Variants in CRY1 observed in about 807,000 individuals in gnomAD.
The protein encoded by CRY1 is cryptochrome circadian regulator 1, also known as cryptochrome-1.
A neutral mutation model predicts 76.0 loss-of-function variants in CRY1; 45 were observed. The ratio of observed to expected loss-of-function variants is 0.59; its 90% CI spans 0.47 to 0.76. The LOEUF (loss-of-function observed/expected upper bound fraction) is 0.76, where lower values mean the gene tolerates loss of function less well. Among genes scored for constraint, CRY1 ranks in the 30% least tolerant of loss-of-function variants. The pLI is 0.00. For synonymous variants in CRY1, 248 were observed against 244.0 expected, an observed-to-expected ratio of 1.02 and a Z score of -0.15; for missense variants, 587 against 716.4, an observed-to-expected ratio of 0.82 and a Z score of 2.06.
intron 1 of CRY1, among the ~76,000 whole-genome samples, chr12:107,068,893 A>G (rs899312176): frequency 1.3e-5 from 2 of 152,172 alleles, no homozygotes; most frequent in Admixed American, 1.3e-4. Context: ...TCTGACATCC[A>G]TGTTGTAGTA....
intron 2 of CRY1, among the ~76,000 whole-genome samples, chr12:107,013,917 T>A (rs538393842): frequency 1.8e-4 from 28 of 152,368 alleles, no homozygotes; most frequent in Non-Finnish European, 2.2e-4. Context: ...TTTACTTTTT[T>A]AATGTGGCTA....
At chr12:107,021,814 A>T (rs915575833) in intron 2 of CRY1, among the ~76,000 whole-genome samples, 3 of 152,176 alleles carry the variant, frequency 2.0e-5, no homozygotes, top group African/African-American at 7.2e-5. Flanking sequence ...AATTGGATAC[A>T]TAAGAAACTG....
intron 3 of CRY1, among the ~76,000 whole-genome samples, chr12:107,003,119 G>C (rs535470860): frequency 3.3e-5 from 5 of 152,046 alleles, no homozygotes; most frequent in African/African-American, 1.2e-4. Flanking sequence ...TTTCTATTGT[G>C]CTAATGAAGG....
intron 1 of CRY1, among the ~76,000 whole-genome samples, chr12:107,058,160 A>G (rs969276626): frequency 6.6e-6 from 1 of 152,240 alleles, no homozygotes; most frequent in African/African-American, 2.4e-5. Flanking sequence ...ATTCATGCTC[A>G]TGGCAAGAAA....
At chr12:107,054,454 GAA>G (rs1438097730) in intron 1 of CRY1, among the ~76,000 whole-genome samples, 1 of 150,728 alleles carries the variant, frequency 6.6e-6, no homozygotes, top group Non-Finnish European at 1.5e-5. Flanking sequence ...GAATTTAAAA[GAA>G]TATTAAAAAA....
Position 106,999,965 on chromosome 12 carries a change from T to G in CRY1, c.802A>C (p.Lys268Gln). The part of the protein sequence containing the change: ...GCLSCRLFYF[K>Q]LTDLYKKVKK... The stretch of plus-strand genomic sequence containing the variant: ...ACCTTTTTGTAGAGATCTGTTAGTT[T>G]GAAGTAAAACAGTCGACATGACAAA... The change falls in exon 6 of 13, where the codon AAA becomes CAA. Residue 268 changes from lysine to glutamine, a missense_variant. Coordinates refer to ENST00000008527, the MANE Select transcript of CRY1 (RefSeq NM_004075.5). 6.2e-7 allele frequency: 1 copy of G among 1,610,162 alleles called. No homozygotes were observed. Among genetic ancestry groups the G allele is most frequent in the South Asian group, 1.1e-5 (1 of 89,566 alleles).
chr12:107,086,911 G>C (rs2136903311), intron 1 of CRY1, among the ~76,000 whole-genome samples: 1 of 152,306 alleles, frequency 6.6e-6, no homozygotes, highest in South Asian at 2.1e-4. Context: ...AGGACCCACA[G>C]TGGTGGCAGT....
At chr12:107,024,481 C>T (rs1472426012) in intron 1 of CRY1, among the ~76,000 whole-genome samples, 2 of 151,570 alleles carry the variant, frequency 1.3e-5, no homozygotes, top group South Asian at 4.2e-4. Context: ...GCAGCCTTGA[C>T]TTCTCCCACC....
chr12:107,041,864 T>C (rs548085042), intron 1 of CRY1, among the ~76,000 whole-genome samples: 5 of 152,200 alleles, frequency 3.3e-5, no homozygotes, highest in African/African-American at 9.6e-5. Context: ...AGATTTTGGT[T>C]TTTAAATATC....
intron 1 of CRY1, among the ~76,000 whole-genome samples, chr12:107,038,268 C>T (rs1299401317): frequency 6.6e-6 from 1 of 152,090 alleles, no homozygotes; most frequent in Non-Finnish European, 1.5e-5. Context: ...AGATATAAAA[C>T]TGGAAATCAT....
intron 1 of CRY1, among the ~76,000 whole-genome samples, chr12:107,023,420 A>G (rs916570963): frequency 1.3e-5 from 2 of 152,226 alleles, no homozygotes; most frequent in African/African-American, 2.4e-5. Context: ...CATACTGAAC[A>G]GTATAGCTAC....
At position 107,092,863 on chromosome 12, in the gene CRY1, G is replaced by A. The variant is rs1953489740; in HGVS notation, c.99C>T (p.Cys33=). The change falls in exon 1 of 13, where the codon TGC becomes TGT. Residue 33 remains cysteine, a synonymous_variant. Coordinates refer to ENST00000008527, the MANE Select transcript of CRY1 (RefSeq NM_004075.5). ...CGAACCAGGGGTCCAGGATGTAGAC[G>A]CAGCGGATGGTGTCGGCGCCCTGAA... ...ECIQGADTIR[C]VYILDPWFAG... 6.2e-7 allele frequency: 1 copy of A among 1,610,920 alleles called. No homozygotes were observed. Among genetic ancestry groups the A allele is most frequent in the Non-Finnish European group, 8.5e-7 (1 of 1,179,580 alleles).
At chr12:107,067,910 T>C (rs185814340) in intron 1 of CRY1, among the ~76,000 whole-genome samples, 17 of 152,376 alleles carry the variant, frequency 1.1e-4, no homozygotes, top group Admixed American at 7.8e-4. Context: ...AGAGCTTCAG[T>C]AGAGAACAAG....
chr12:107,017,555 T>G (rs979740866), intron 2 of CRY1, among the ~76,000 whole-genome samples: 1 of 152,218 alleles, frequency 6.6e-6, no homozygotes, highest in Non-Finnish European at 1.5e-5. Flanking sequence ...ACTCTCTATA[T>G]GTGGCCTCCC....
At chr12:107,009,595 TATATATAA>T (rs1337261596) in intron 2 of CRY1, among the ~76,000 whole-genome samples, 10,363 of 38,722 alleles carry the variant, frequency 0.27, 784 homozygotes, top group East Asian at 0.5. Flanking sequence ...TATATATATA[TATATATAA>T]AATCTCTATA....
chr12:107,002,338 C>T (rs922901492), intron 3 of CRY1, among the ~76,000 whole-genome samples: 5 of 151,986 alleles, frequency 3.3e-5, no homozygotes, highest in African/African-American at 1.2e-4. Context: ...TCTCAATCAT[C>T]AATAAAAACT....
At position 106,991,639 on chromosome 12, in the gene CRY1, C is replaced by A. The variant is rs1485227793; in HGVS notation, c.*363G>T. On this transcript the variant is annotated 3_prime_UTR_variant, in exon 13 of 13. Coordinates refer to ENST00000008527, the MANE Select transcript of CRY1 (RefSeq NM_004075.5). ...AAATTTTAACGTCTTTTAAGAAAGTCTAAAAACCTCCTTTTTTCCCACTGA... is the reference window on the plus strand; with the variant it reads ...AAATTTTAACGTCTTTTAAGAAAGTATAAAAACCTCCTTTTTTCCCACTGA... 6.6e-6 allele frequency: 1 copy of A among 152,540 alleles called. No individual in the cohort carries two copies. The highest frequency in any genetic ancestry group is 6.5e-5 in the Admixed American group (1 of 15,282). The allele number at this position is 152,540 out of a possible 1,614,324, so 9.4% of individuals were successfully genotyped here.
chr12:107,009,555 C>CAAAACAAAA (rs1555275523), intron 2 of CRY1, among the ~76,000 whole-genome samples: 1 of 32,154 alleles, frequency 3.1e-5, no homozygotes, highest in African/African-American at 7.0e-5. Context: ...AACAAAAAAA[C>CAAAACAAAA]AAAAAAACAT....
chr12:106,995,524 A>G (rs929127149), intron 10 of CRY1, among the ~76,000 whole-genome samples: 4 of 152,180 alleles, frequency 2.6e-5, no homozygotes, highest in African/African-American at 4.8e-5. Context: ...CTGTTTCCCT[A>G]TCTTCTTAGT....
Sources: gnomAD v4.1 joint callset for allele counts (sites outside exome capture counted in the v4.1 genomes callset) on GRCh38, gnomAD v4.1.1 for gene constraint, MANE v1.5 for transcripts, NCBI Gene and HGNC (gene_info 2026-07-23, HGNC 2026-07-21) for gene names.